The following PLCL2 variants were observed in gnomAD, a reference collection of about 807,000 sequenced individuals.
The protein encoded by PLCL2 is phospholipase C like 2.
Under a neutral mutation model 79.6 loss-of-function variants are expected in PLCL2, and 4 were observed. That is an observed-to-expected ratio of 0.05 (90% CI 0.02 to 0.11). The LOEUF (loss-of-function observed/expected upper bound fraction) is 0.11, where lower values mean the gene tolerates loss of function less well. Ranked by LOEUF, PLCL2 falls within the 10% of genes least tolerant of loss-of-function variation. PLCL2 has a pLI of 1.00. For synonymous variants in PLCL2, 484 were observed against 457.7 expected, an observed-to-expected ratio of 1.06 and a Z score of -0.73; for missense variants, 895 against 1,291.0, an observed-to-expected ratio of 0.69 and a Z score of 4.70.
chr3:17,067,712 A>G (rs916474527), intron 4 of PLCL2, among the ~76,000 whole-genome samples: 2 of 152,168 alleles, frequency 1.3e-5, no homozygotes, highest in African/African-American at 4.8e-5. Flanking sequence ...CAATGATCAT[A>G]GGTGCCCTGT....
intron 1 of PLCL2, among the ~76,000 whole-genome samples, chr3:16,913,726 G>C (rs1696931935): frequency 6.6e-6 from 1 of 152,000 alleles, no homozygotes; most frequent in Admixed American, 6.6e-5. Flanking sequence ...AAAAATAGCT[G>C]TCATGTAGTC....
Position 17,010,153 on chromosome 3 carries a change from T to G in PLCL2, c.807T>G (p.Thr269=), listed in dbSNP as rs1427918304. 6.2e-7 allele frequency: 1 copy of G among 1,613,350 alleles called. No individual in the cohort carries two copies. Among genetic ancestry groups the G allele is most frequent in the Non-Finnish European group, 8.5e-7 (1 of 1,179,424 alleles). ...MLESSQDNMR[T]SWVSQMFSEI... is the part of the protein sequence containing the mutation. Reference sequence around the variant, plus strand: ...AAAGTAGCCAAGATAACATGAGGACTTCTTGGGTTTCACAAATGTTTAGTG... The same window carrying G: ...AAAGTAGCCAAGATAACATGAGGACGTCTTGGGTTTCACAAATGTTTAGTG... The change falls in exon 2 of 6, where the codon ACT becomes ACG. Residue 269 remains threonine, a synonymous_variant. Coordinates refer to ENST00000615277, the MANE Select transcript of PLCL2 (RefSeq NM_001144382.2). The surrounding 1 kb of genome is among the most constrained non-coding windows in gnomAD (Gnocchi z 5.8).
intron 4 of PLCL2, among the ~76,000 whole-genome samples, chr3:17,050,803 C>T (rs1183824069): frequency 6.6e-6 from 1 of 152,062 alleles, no homozygotes; most frequent in Non-Finnish European, 1.5e-5. Flanking sequence ...GCATGTATAC[C>T]CAAAAGAAAG....
intron 3 of PLCL2, among the ~76,000 whole-genome samples, chr3:17,031,228 AC>A: frequency 6.6e-6 from 1 of 152,200 alleles, no homozygotes; most frequent in East Asian, 1.9e-4. Context: ...GTCTGAACTC[AC>A]TATCTTTAAT....
chr3:17,042,993 A>G (rs376577202), intron 4 of PLCL2, 44 bp downstream of exon 4: 11 of 1,255,132 alleles, frequency 8.8e-6, no homozygotes, highest in Non-Finnish European at 1.3e-5. Context: ...AATTAATAGC[A>G]TCATATACTT....
chr3:16,921,933 C>G (rs1697133247), intron 1 of PLCL2, among the ~76,000 whole-genome samples: 1 of 151,926 alleles, frequency 6.6e-6, no homozygotes, highest in Non-Finnish European at 1.5e-5. Context: ...ATTAAAGATT[C>G]TTTGATTTTA....
At chr3:16,972,068 G>A (rs892872510) in intron 1 of PLCL2, among the ~76,000 whole-genome samples, 1 of 151,982 alleles carries the variant, frequency 6.6e-6, no homozygotes, top group Admixed American at 6.6e-5. Flanking sequence ...CCCACAGCCA[G>A]TATCATACTG....
At position 16,918,544 on chromosome 3, in the gene PLCL2, A is replaced by G. The variant is rs1168926033; in HGVS notation, c.327+33178A>G. Among the ~76,000 whole-genome samples, 2 of 152,168 alleles carry G rather than the reference A, an allele frequency of 1.3e-5. 1 individual carries two copies. Among genetic ancestry groups the G allele is most frequent in the East Asian group, 3.8e-4 (2 of 5,204 alleles). ...AAAGTCCCCTAATGTTAATGGCTATACTGGCTCTAAATAGTATGCCACAGA... is the reference window on the plus strand; with the variant it reads ...AAAGTCCCCTAATGTTAATGGCTATGCTGGCTCTAAATAGTATGCCACAGA... On this transcript the variant is annotated intron_variant, in intron 1 of 5. Transcript: ENST00000615277.
chr3:16,975,635 C>A (rs115331535), intron 1 of PLCL2, among the ~76,000 whole-genome samples: 1 of 152,042 alleles, frequency 6.6e-6, no homozygotes, highest in African/African-American at 2.4e-5. Context: ...TATACCATGG[C>A]GGTTCTTCCA....
Position 17,090,107 on chromosome 3 carries a change from A to C in PLCL2, c.*195A>C. The C allele has an allele frequency of 7.7e-7, 1 of 1,293,680 alleles. No individual in the cohort carries two copies. 80.1% of individuals were successfully genotyped at this position (1,293,680 alleles called of 1,614,324 possible). A position where few individuals can be genotyped will look rare whatever the true frequency, so the allele number is the denominator to read the frequency against. On this transcript the variant is annotated 3_prime_UTR_variant, in exon 6 of 6. Coordinates refer to ENST00000615277, the MANE Select transcript of PLCL2 (RefSeq NM_001144382.2). ...TGTGAAGGCAAATAAACTCTTTAAC[A>C]GGCAATTATATTGCTGGCCAAAATA...
chr3:17,078,322 G>GTT (rs1559541891), intron 5 of PLCL2, among the ~76,000 whole-genome samples: 1 of 152,200 alleles, frequency 6.6e-6, no homozygotes, highest in African/African-American at 2.4e-5. Flanking sequence ...CAGCCAGATG[G>GTT]TTTTGCTGCT....
At chr3:16,990,936 A>T (rs2064098789) in intron 1 of PLCL2, among the ~76,000 whole-genome samples, 2 of 152,230 alleles carry the variant, frequency 1.3e-5, no homozygotes. Context: ...ACAGCAGATA[A>T]CTATCCCCAC....
chr3:17,028,395 C>T (rs2064541557), intron 3 of PLCL2, among the ~76,000 whole-genome samples: 1 of 152,156 alleles, frequency 6.6e-6, no homozygotes, highest in African/African-American at 2.4e-5. Flanking sequence ...GATTCCCACA[C>T]CTTACTGTTG....
chr3:17,024,685 A>C (rs939491438), intron 3 of PLCL2, among the ~76,000 whole-genome samples: 1 of 152,176 alleles, frequency 6.6e-6, no homozygotes, highest in African/African-American at 2.4e-5. Context: ...TGAGTTCCAA[A>C]TCTTTTCAGA....
At position 16,988,809 on chromosome 3, in the gene PLCL2, GA is replaced by G. The variant is rs1028698213; in HGVS notation, c.328-20857del. On this transcript the variant is annotated intron_variant, in intron 1 of 5. Coordinates refer to ENST00000615277, the MANE Select transcript of PLCL2 (RefSeq NM_001144382.2). ...AAAATATGCTTTTCATAACATGGAG[GA>G]AAAAAAAGGTATTCATCATTTTCAT... Among the ~76,000 whole-genome samples the G allele has an allele frequency of 1.3e-3, 200 of 151,290 alleles. 1 individual carries two copies. The highest frequency in any genetic ancestry group is 4.8e-3 in the African/African-American group (197 of 41,300).
At chr3:17,028,279 C>A (rs919302310) in intron 3 of PLCL2, among the ~76,000 whole-genome samples, 4 of 152,066 alleles carry the variant, frequency 2.6e-5, no homozygotes, top group African/African-American at 9.7e-5. Context: ...GCTGTGCTAA[C>A]CACACTCAGT....
intron 1 of PLCL2, among the ~76,000 whole-genome samples, chr3:16,955,860 A>G (rs1212636529): frequency 6.6e-6 from 1 of 152,080 alleles, no homozygotes; most frequent in African/African-American, 2.4e-5. Flanking sequence ...AATGCTTGTG[A>G]TTTTTGCACA....
chr3:16,917,195 A>G (rs1697017664), intron 1 of PLCL2, among the ~76,000 whole-genome samples: 1 of 152,074 alleles, frequency 6.6e-6, no homozygotes, highest in Non-Finnish European at 1.5e-5. Flanking sequence ...TTTCAATTAG[A>G]GTCATGTCTG....
At position 17,011,854 on chromosome 3, in the gene PLCL2, C is replaced by T. The variant is rs1488508424; in HGVS notation, c.2508C>T (p.Tyr836=). 1 of 1,614,224 alleles carries T rather than the reference C, an allele frequency of 6.2e-7. No homozygotes were observed. The highest frequency in any genetic ancestry group is 1.1e-5 in the South Asian group (1 of 91,092). Residue 836 remains tyrosine (Y), a synonymous_variant, in exon 2 of 6, where the codon TAC becomes TAT. Transcript: ENST00000615277. The surrounding 1 kb of genome is among the most constrained non-coding windows in gnomAD (Gnocchi z 7.9). ...MVRFVVLDDD[Y]IGDEFIGQYT... ...GCTTTGTAGTGCTGGATGATGACTA[C>T]ATTGGGGATGAATTCATCGGCCAGT...
Sources: allele counts gnomAD v4.1 joint callset (sites outside exome capture counted in the v4.1 genomes callset), GRCh38; gene constraint gnomAD v4.1.1; non-coding constraint Gnocchi (gnomAD v3.1); transcripts MANE v1.5; gene names NCBI Gene and HGNC (gene_info 2026-07-23, HGNC 2026-07-21).